Variants in FRY observed in about 807,000 individuals in gnomAD.
FRY encodes protein furry homolog.
A neutral mutation model predicts 348.4 loss-of-function variants in FRY; 128 were observed. The ratio of observed to expected loss-of-function variants is 0.37; its 90% CI spans 0.32 to 0.43. The LOEUF is 0.43. Ranked by LOEUF, FRY falls within the 20% of genes least tolerant of loss-of-function variation. The probability of loss-of-function intolerance (pLI) is 1.00; values close to 1 mark genes in which losing one functional copy is unlikely to be tolerated. For synonymous variants in FRY, 1,370 were observed against 1,374.7 expected (o/e 1.00, Z 0.08); for missense variants, 2,736 against 3,695.2 (o/e 0.74, Z 6.73).
At chr13:32,188,073 G>A (rs1450972414) in intron 28 of FRY, among the ~76,000 whole-genome samples, 2 of 152,016 alleles carry the variant, frequency 1.3e-5, no homozygotes, top group Non-Finnish European at 2.9e-5. Context: ...CTAAACTTGT[G>A]GGCTGTAAGT....
chr13:32,041,486 G>A (rs1872743441), intron 1 of FRY, among the ~76,000 whole-genome samples: 1 of 151,906 alleles, frequency 6.6e-6, no homozygotes, highest in African/African-American at 2.4e-5. Flanking sequence ...TGGAGACGGG[G>A]TTTCACCATG....
intron 43 of FRY, 124 bp downstream of exon 43, chr13:32,236,296 A>G: frequency 2.8e-6 from 2 of 721,902 alleles, no homozygotes; most frequent in South Asian, 1.6e-5. Context: ...ATGACCTGAA[A>G]AAGTATGTGT....
chr13:32,172,357 TG>T (rs2138217497), intron 18 of FRY, among the ~76,000 whole-genome samples: 1 of 152,256 alleles, frequency 6.6e-6, no homozygotes, highest in East Asian at 1.9e-4. Context: ...ATGTACATAT[TG>T]ATATGGATAT....
chr13:32,196,698 T>C (rs1883696182), intron 29 of FRY, among the ~76,000 whole-genome samples: 3 of 152,140 alleles, frequency 2.0e-5, no homozygotes, highest in South Asian at 2.1e-4. Context: ...AGAACTTGAA[T>C]AGGACCAAAG....
At chr13:32,284,720 G>A (rs1471605017) in intron 58 of FRY, among the ~76,000 whole-genome samples, 3 of 152,162 alleles carry the variant, frequency 2.0e-5, no homozygotes, top group African/African-American at 7.2e-5. Flanking sequence ...TTCATCATTA[G>A]GCTAGGTTAT....
chr13:32,164,627 A>G (rs1232098779), intron 17 of FRY, among the ~76,000 whole-genome samples: 1 of 152,192 alleles, frequency 6.6e-6, no homozygotes, highest in Admixed American at 6.5e-5. Context: ...TAATATGGCC[A>G]AGTGTGAGAA....
intron 1 of FRY, among the ~76,000 whole-genome samples, chr13:32,075,910 C>A (rs1875019484): frequency 6.6e-6 from 1 of 152,190 alleles, no homozygotes; most frequent in Non-Finnish European, 1.5e-5. Flanking sequence ...CAGGGCTCTG[C>A]TGGGCTAGGA....
At chr13:32,190,795 C>A (rs548117891) in intron 28 of FRY, among the ~76,000 whole-genome samples, 2 of 152,048 alleles carry the variant, frequency 1.3e-5, no homozygotes, top group South Asian at 2.1e-4. Context: ...AGTCAAAATC[C>A]GGGCAGGATA....
chr13:32,265,649 G>A, intron 54 of FRY, 33 bp downstream of exon 54: 1 of 1,597,074 alleles, frequency 6.3e-7, no homozygotes, highest in East Asian at 2.2e-5. Flanking sequence ...TGAGTGGTGT[G>A]AATGTGCATG....
intron 2 of FRY, among the ~76,000 whole-genome samples, chr13:32,090,284 G>C (rs1235142825): frequency 6.3e-5 from 9 of 143,548 alleles, no homozygotes; most frequent in Non-Finnish European, 1.3e-4. Flanking sequence ...GAAGTCGGAG[G>C]TTGCAGTGAG....
chr13:32,268,681 T>TG (rs11380756), intron 55 of FRY, among the ~76,000 whole-genome samples: 12,834 of 150,166 alleles, frequency 0.085, 737 homozygotes, highest in East Asian at 0.24. Flanking sequence ...TCCTATTTTT[T>TG]GGGGGGGTGG....
At chr13:32,222,903 GA>G (rs975669079) in intron 36 of FRY, among the ~76,000 whole-genome samples, 7 of 152,194 alleles carry the variant, frequency 4.6e-5, no homozygotes, top group African/African-American at 1.7e-4. Context: ...GATATGAGGG[GA>G]AAGTCGGGGA....
intron 4 of FRY, among the ~76,000 whole-genome samples, chr13:32,123,381 C>T (rs1295489321): frequency 1.3e-5 from 2 of 152,220 alleles, no homozygotes; most frequent in African/African-American, 4.8e-5. Flanking sequence ...CTTCTTCCTT[C>T]TGCCTTTTAC....
intron 3 of FRY, among the ~76,000 whole-genome samples, chr13:32,110,369 G>A (rs1877878107): frequency 6.6e-6 from 1 of 152,106 alleles, no homozygotes; most frequent in South Asian, 2.1e-4. Context: ...AAAGTCCACA[G>A]CATTTTATTT....
rs753445480 is a variant in FRY, at chr13:32,202,521, T to A, written c.4012T>A (p.Phe1338Ile). The A allele has an allele frequency of 6.2e-7, 1 of 1,612,604 alleles. No homozygotes were observed. The highest frequency in any genetic ancestry group is 2.2e-5 in the East Asian group (1 of 44,882). ...RMYPELTLPLFSEVSQRFPTT... is the reference protein window; with the variant it reads ...RMYPELTLPLISEVSQRFPTT... ...GTACCCTGAGCTCACACTCCCCCTC[T>A]TCTCAGGTACCAGGCAATAGTCAAT... Residue 1338 changes from phenylalanine to isoleucine, a missense_variant, in exon 31 of 61, where the codon TTC becomes ATC. Physicochemically the swap from Phe to Ile is conservative, Grantham distance 21. Around this residue, in one of 9 missense-constraint regions of FRY, gnomAD observed 794 missense variants for 977.0 expected, o/e 0.81. Coordinates refer to ENST00000542859, the MANE Select transcript of FRY (RefSeq NM_023037.3).
intron 56 of FRY, among the ~76,000 whole-genome samples, chr13:32,275,878 C>CTT (rs112932271): frequency 1.4e-5 from 2 of 145,106 alleles, no homozygotes; most frequent in African/African-American, 5.1e-5. Flanking sequence ...TGTGTGATAC[C>CTT]TTTTTTTTTT....
rs73460671 is a variant in FRY at position 32,101,316 on chromosome 13, A to T, written c.271-647A>T. 3.8e-3 allele frequency among the ~76,000 whole-genome samples: 577 copies of T among 152,304 alleles called. 9 individuals are homozygous for T. Among genetic ancestry groups the T allele is most frequent in the African/African-American group, 0.012 (496 of 41,566 alleles). On this transcript the variant is annotated intron_variant, in intron 2 of 60. Transcript: ENST00000542859. Reference sequence around the variant, plus strand: ...CAGGATTTCCTTCTTTTTTAAGGCTAAATCGTCTTCCATTGTATATATATG... The same window carrying T: ...CAGGATTTCCTTCTTTTTTAAGGCTTAATCGTCTTCCATTGTATATATATG...
chr13:32,179,689 A>T lies in FRY; in HGVS notation c.2886A>T (p.Pro962=). ...VSYDNKAIGT[P]SVGVLLKQLV... ...ACTTATTTCAGGCCATAGGCACCCC[A>T]TCGGTGGGAGTTCTGTTAAAGCAGT... The change falls in exon 23 of 61, where the codon CCA becomes CCT. Residue 962 remains proline (P), a synonymous_variant. Coordinates refer to ENST00000542859, the MANE Select transcript of FRY (RefSeq NM_023037.3). The T allele has an allele frequency of 6.2e-7, 1 of 1,614,036 alleles. No individual in the cohort carries two copies. Among genetic ancestry groups the T allele is most frequent in the Non-Finnish European group, 8.5e-7 (1 of 1,179,892 alleles).
intron 31 of FRY, among the ~76,000 whole-genome samples, chr13:32,207,408 C>T (rs1474916423): frequency 2.6e-5 from 4 of 152,170 alleles, no homozygotes; most frequent in Non-Finnish European, 4.4e-5. Flanking sequence ...CACTGTTTCC[C>T]TTGCCCCAGA....
Sources: gnomAD v4.1 joint callset for allele counts (sites outside exome capture counted in the v4.1 genomes callset) on GRCh38, gnomAD v4.1.1 for gene constraint, gnomAD v4.1.1 regional missense constraint, MANE v1.5 for transcripts, NCBI Gene and HGNC (gene_info 2026-07-23, HGNC 2026-07-21) for gene names.